The following HECW2 variants were observed in gnomAD, a reference collection of about 807,000 sequenced individuals.
HECW2 encodes the protein E3 ubiquitin-protein ligase HECW2.
Under a neutral mutation model 175.2 loss-of-function variants are expected in HECW2, and 61 were observed. The ratio of observed to expected loss-of-function variants is 0.35; its 90% CI spans 0.28 to 0.43. The LOEUF (loss-of-function observed/expected upper bound fraction) is 0.43. HECW2 is among the 20% of genes least tolerant of loss of function. HECW2 has a pLI of 1.00. For missense variants in HECW2, 1,524 were observed against 2,000.5 expected, an observed-to-expected ratio of 0.76 and a Z score of 4.54; for synonymous variants, 671 against 731.0, an observed-to-expected ratio of 0.92 and a Z score of 1.32.
At chr2:196,560,025 A>C (rs879403265) in intron 1 of HECW2, among the ~76,000 whole-genome samples, 2 of 152,188 alleles carry the variant, frequency 1.3e-5, no homozygotes, top group Admixed American at 1.3e-4. Flanking sequence ...GAGCTTCTCA[A>C]ACCTAATTTG....
intron 1 of HECW2, among the ~76,000 whole-genome samples, chr2:196,475,380 G>A (rs1234015062): frequency 1.4e-5 from 2 of 147,168 alleles, no homozygotes; most frequent in African/African-American, 5.0e-5. Context: ...GAGATAGGAA[G>A]ATGAGGAGGG....
In HECW2 at chr2:196,511,974, G is replaced by A. The variant is rs116546774; in HGVS notation, c.-35-78516C>T. 5.3e-3 allele frequency among the ~76,000 whole-genome samples: 809 copies of A among 152,326 alleles called. 7 individuals carry two copies. The highest frequency in any genetic ancestry group is 0.018 in the African/African-American group (764 of 41,560). The stretch of plus-strand genomic sequence containing the variant: ...TGTTTTAGATGGTGTCCCTCACTGA[G>A]GTCTGCTCACTGCATGTTCTGTGGA... On this transcript the variant is annotated intron_variant, in intron 1 of 28. Transcript: ENST00000644978.
chr2:196,345,336 T>C (rs1012434200), intron 2 of HECW2, among the ~76,000 whole-genome samples: 2 of 152,140 alleles, frequency 1.3e-5, no homozygotes, highest in Non-Finnish European at 2.9e-5. Context: ...GAACCCCAAT[T>C]TTGTTCAAGG....
At chr2:196,524,282 C>T (rs1261687044) in intron 1 of HECW2, among the ~76,000 whole-genome samples, 1 of 126,714 alleles carries the variant, frequency 7.9e-6, no homozygotes. Flanking sequence ...TTGTAGTATT[C>T]TCTGATGGTA....
intron 1 of HECW2, among the ~76,000 whole-genome samples, chr2:196,572,128 C>A (rs1168021033): frequency 6.6e-6 from 1 of 152,128 alleles, no homozygotes; most frequent in African/African-American, 2.4e-5. Context: ...CTGCCAAGGA[C>A]TGATGGAAGA....
intron 21 of HECW2, among the ~76,000 whole-genome samples, chr2:196,232,510 A>AT (rs538786299): frequency 5.2e-4 from 79 of 152,324 alleles, no homozygotes; most frequent in Non-Finnish European, 9.7e-4. Flanking sequence ...AAAAATCAAC[A>AT]TTGCTTACAT....
At chr2:196,312,584 T>C (rs539309763) in intron 10 of HECW2, among the ~76,000 whole-genome samples, 9 of 152,314 alleles carry the variant, frequency 5.9e-5, no homozygotes, top group Non-Finnish European at 8.8e-5. Context: ...CATTTCCCCA[T>C]ACGGAGTTGC....
intron 1 of HECW2, among the ~76,000 whole-genome samples, chr2:196,507,135 C>T (rs1347001227): frequency 8.4e-6 from 1 of 118,678 alleles, no homozygotes; most frequent in Non-Finnish European, 1.8e-5. Context: ...GTGTATATTA[C>T]ACACGTTAGT....
At chr2:196,271,761 C>A (rs369874676) in intron 16 of HECW2, among the ~76,000 whole-genome samples, 3 of 152,082 alleles carry the variant, frequency 2.0e-5, no homozygotes, top group South Asian at 2.1e-4. Context: ...ACAACAACAA[C>A]AAAAAATAAA....
At chr2:196,573,009 A>G (rs1001492339) in intron 1 of HECW2, among the ~76,000 whole-genome samples, 3 of 152,234 alleles carry the variant, frequency 2.0e-5, no homozygotes, top group African/African-American at 7.2e-5. Flanking sequence ...AAATCTACAC[A>G]TGGACTTTTC....
In HECW2 at chr2:196,286,387, C is replaced by CATATATATATATATAT. The variant is rs201658582; in HGVS notation, c.3000+6177_3000+6178insATATATATATATATAT. ...TATATATATATTTTAAGATGGAGGT[C>CATATATATATATATAT]ATATATATATATATTTAAATCCATG... On this transcript the variant is annotated intron_variant, in intron 14 of 28. Transcript: ENST00000644978. 2.2e-3 allele frequency among the ~76,000 whole-genome samples: 303 copies of CATATATATATATATAT among 137,686 alleles called. 3 individuals are homozygous for CATATATATATATATAT. The highest frequency in any genetic ancestry group is 3.8e-3 in the Non-Finnish European group (237 of 62,220). 90.3% of individuals were successfully genotyped at this position (137,686 alleles called of 152,430 possible). A position where few individuals can be genotyped will look rare whatever the true frequency, so the allele number is the denominator to read the frequency against.
chr2:196,357,000 C>T (rs1693395425), intron 2 of HECW2, among the ~76,000 whole-genome samples: 1 of 152,152 alleles, frequency 6.6e-6, no homozygotes, highest in South Asian at 2.1e-4. Flanking sequence ...CTACACCTTA[C>T]TGTCTGTCTA....
intron 21 of HECW2, among the ~76,000 whole-genome samples, chr2:196,233,238 A>T (rs1688123919): frequency 6.6e-6 from 1 of 152,156 alleles, no homozygotes; most frequent in Non-Finnish European, 1.5e-5. Flanking sequence ...GTGTAGCCGC[A>T]CAACAGCTGC....
intron 2 of HECW2, among the ~76,000 whole-genome samples, chr2:196,344,967 G>C (rs1575440207): frequency 6.6e-6 from 1 of 152,058 alleles, no homozygotes; most frequent in Non-Finnish European, 1.5e-5. Context: ...GGTTTTTTTT[G>C]TGGTTGCCCT....
intron 28 of HECW2, among the ~76,000 whole-genome samples, chr2:196,210,175 A>C (rs1687225431): frequency 6.6e-6 from 1 of 152,170 alleles, no homozygotes; most frequent in South Asian, 2.1e-4. Context: ...ATAATGGAGG[A>C]GGGAAAACTG....
At chr2:196,335,216 C>T (rs1337281292) in intron 3 of HECW2, among the ~76,000 whole-genome samples, 1 of 152,230 alleles carries the variant, frequency 6.6e-6, no homozygotes, top group African/African-American at 2.4e-5. Flanking sequence ...ACATTTCATA[C>T]ATTTTTTTCT....
intron 1 of HECW2, among the ~76,000 whole-genome samples, chr2:196,470,842 C>T (rs565713490): frequency 1.3e-5 from 2 of 151,828 alleles, no homozygotes; most frequent in African/African-American, 4.8e-5. Context: ...TAATAGATAA[C>T]TGGTTAGTAT....
intron 1 of HECW2, among the ~76,000 whole-genome samples, chr2:196,485,456 G>A (rs984970705): frequency 6.6e-6 from 1 of 152,210 alleles, no homozygotes; most frequent in East Asian, 1.9e-4. Context: ...AGCAGGTTTG[G>A]TGTCTAGTGA....
intron 1 of HECW2, among the ~76,000 whole-genome samples, chr2:196,472,481 C>CAAA (rs538116476): frequency 7.0e-5 from 5 of 71,362 alleles, no homozygotes; most frequent in Admixed American, 1.6e-4. Flanking sequence ...GAGACTCCGT[C>CAAA]AAAAAAAAAA....
Sources: allele counts gnomAD v4.1 joint callset (sites outside exome capture counted in the v4.1 genomes callset), GRCh38; gene constraint gnomAD v4.1.1; transcripts MANE v1.5; gene names NCBI Gene and HGNC (gene_info 2026-07-23, HGNC 2026-07-21).